Variants in APPBP2 observed in about 807,000 individuals in gnomAD.
APPBP2 encodes amyloid beta precursor protein binding protein 2.
A neutral mutation model predicts 76.0 loss-of-function variants in APPBP2; 15 were observed. That is an observed-to-expected ratio of 0.20 (90% confidence interval 0.13 to 0.30). The LOEUF is 0.30. APPBP2 is among the 10% of genes least tolerant of loss of function. The pLI is 1.00. For synonymous variants in APPBP2, 222 were observed against 242.2 expected, an observed-to-expected ratio of 0.92 and a Z score of 0.77; for missense variants, 401 against 687.2, an observed-to-expected ratio of 0.58 and a Z score of 4.66.
intron 8 of APPBP2, 131 bp from the exon 9 acceptor site, chr17:60,460,918 G>A: frequency 1.1e-6 from 1 of 871,198 alleles, no homozygotes; most frequent in South Asian, 3.3e-5. Context: ...AAGTCCTGCT[G>A]TATTTAAATT....
At chr17:60,462,093 A>T (rs2090479718) in intron 6 of APPBP2, 32 bp from the exon 7 acceptor site, 1 of 1,544,614 alleles carries the variant, frequency 6.5e-7, no homozygotes, top group East Asian at 2.3e-5. Context: ...GTTAACTCTC[A>T]AACAGTTCAT....
At chr17:60,519,954 T>G (rs1030575545) in intron 1 of APPBP2, among the ~76,000 whole-genome samples, 3 of 151,804 alleles carry the variant, frequency 2.0e-5, no homozygotes, top group African/African-American at 7.3e-5. Flanking sequence ...TGGCTAATTT[T>G]TTTCTTTGTT....
chr17:60,477,451 T>C (rs954658008), intron 4 of APPBP2: 4 of 152,144 alleles, frequency 2.6e-5, no homozygotes, highest in African/African-American at 4.8e-5. Flanking sequence ...TTTATGTACA[T>C]AGCAATATAT....
intron 1 of APPBP2, among the ~76,000 whole-genome samples, chr17:60,508,372 C>A (rs943664501): frequency 6.6e-6 from 1 of 151,984 alleles, no homozygotes; most frequent in African/African-American, 2.4e-5. Context: ...TTTTCGGACA[C>A]AGAAAGGCTG....
intron 1 of APPBP2, 130 bp from the exon 2 acceptor site, chr17:60,500,617 A>G: frequency 1.5e-6 from 1 of 683,452 alleles, no homozygotes; most frequent in Non-Finnish European, 2.5e-6. Flanking sequence ...TAACACTAAC[A>G]AATTTCTACA....
At chr17:60,482,443 G>A (rs981287266) in intron 3 of APPBP2, among the ~76,000 whole-genome samples, 1 of 151,890 alleles carries the variant, frequency 6.6e-6, no homozygotes, top group Non-Finnish European at 1.5e-5. Context: ...TTATTTTTTA[G>A]GATTAAAAAT....
chr17:60,467,683 G>A (rs183833707), intron 4 of APPBP2, among the ~76,000 whole-genome samples: 19 of 152,318 alleles, frequency 1.2e-4, no homozygotes, highest in Admixed American at 1.2e-3. Flanking sequence ...AAAAGATTCT[G>A]AAAGGAGGTA....
intron 5 of APPBP2, 55 bp downstream of exon 5, chr17:60,466,236 C>T (rs559046470): frequency 2.3e-5 from 35 of 1,493,294 alleles, no homozygotes; most frequent in Admixed American, 1.1e-4. Context: ...TTGATTTACC[C>T]TCTGTTTTTA....
Position 60,460,758 on chromosome 17 carries a change from A to G in APPBP2, c.966T>C (p.Phe322=). The G allele has an allele frequency of 1.2e-6, 2 of 1,613,820 alleles. No individual in the cohort carries two copies. The highest frequency in any genetic ancestry group is 1.7e-6 in the Non-Finnish European group (2 of 1,179,814). Reference sequence around the variant, plus strand: ...TTGCTACGTGGATATTTTTGCCACCAAACACTGACTGTCTAATGTCAAGGG... The same window carrying G: ...TTGCTACGTGGATATTTTTGCCACCGAACACTGACTGTCTAATGTCAAGGG... ...QAALDIRQSV[F]GGKNIHVATA... is the part of the protein sequence containing the mutation. The change falls in exon 9 of 13, where the codon TTT becomes TTC. Residue 322 remains phenylalanine (F), a synonymous_variant. Coordinates refer to ENST00000083182, the MANE Select transcript of APPBP2 (RefSeq NM_006380.5).
chr17:60,492,111 AG>A (rs1156579151), intron 3 of APPBP2, among the ~76,000 whole-genome samples: 1 of 152,192 alleles, frequency 6.6e-6, no homozygotes, highest in Non-Finnish European at 1.5e-5. Context: ...ATAGCTTCCA[AG>A]GGGGCAAGTC....
At chr17:60,512,751 T>A (rs1478455261) in intron 1 of APPBP2, among the ~76,000 whole-genome samples, 1 of 142,754 alleles carries the variant, frequency 7.0e-6, no homozygotes, top group Non-Finnish European at 1.5e-5. Flanking sequence ...AGGAAAATAA[T>A]TTGAACTCAG....
chr17:60,521,835 A>C (rs2091012298), intron 1 of APPBP2, among the ~76,000 whole-genome samples: 1 of 152,150 alleles, frequency 6.6e-6, no homozygotes, highest in Non-Finnish European at 1.5e-5. Flanking sequence ...GTGGCCCAAG[A>C]CAATTTATCT....
intron 2 of APPBP2, among the ~76,000 whole-genome samples, chr17:60,497,942 C>G (rs1341771890): frequency 6.6e-6 from 1 of 151,982 alleles, no homozygotes; most frequent in African/African-American, 2.4e-5. Context: ...AGTTTGAGAC[C>G]AGCATGGGCA....
chr17:60,477,851 A>G (rs953970255), intron 4 of APPBP2, among the ~76,000 whole-genome samples: 3 of 151,974 alleles, frequency 2.0e-5, no homozygotes, highest in Middle Eastern at 3.4e-3. Context: ...TTAAAGCAAC[A>G]ATAATCTGGC....
rs749581395 is a variant in APPBP2, at chr17:60,446,017, G to A, written c.*1564C>T. Reference sequence around the variant, plus strand: ...TCTACAACTTTTCTGTACTCAATGTGGCAGACAGCTTAGATTTTTTTCCCC... The same window carrying A: ...TCTACAACTTTTCTGTACTCAATGTAGCAGACAGCTTAGATTTTTTTCCCC... On this transcript the variant is annotated 3_prime_UTR_variant, in exon 13 of 13. Transcript: ENST00000083182. 5 of 152,126 alleles carry A rather than the reference G, an allele frequency of 3.3e-5. No individual in the cohort carries two copies. The highest frequency in any genetic ancestry group is 5.9e-5 in the Non-Finnish European group (4 of 68,036). 9.4% of individuals were successfully genotyped at this position (152,126 alleles called of 1,614,324 possible).
intron 1 of APPBP2, among the ~76,000 whole-genome samples, chr17:60,525,510 G>A (rs1263039682): frequency 1.3e-5 from 2 of 152,204 alleles, no homozygotes; most frequent in Non-Finnish European, 2.9e-5. Context: ...GCGCGATAGA[G>A]TAAGTCCACG....
chr17:60,444,515 A>G lies in APPBP2; in HGVS notation c.*3066T>C, dbSNP rs1291408117. 4 of 152,002 alleles carry G rather than the reference A, an allele frequency of 2.6e-5. No individual in the cohort carries two copies. The highest frequency in any genetic ancestry group is 5.9e-5 in the Non-Finnish European group (4 of 68,012). The allele number at this position is 152,002 out of a possible 1,614,324, so 9.4% of individuals were successfully genotyped here. On this transcript the variant is annotated 3_prime_UTR_variant, in exon 13 of 13. Transcript: ENST00000083182. ...TTCATAAAATTATAAACTTTTCCCA[A>G]CAGGCTAGGAACAAAGGTCTTTCTC...
rs1471112055 is a variant in APPBP2 at position 60,443,279 on chromosome 17, AC to A, written c.*4301del. On this transcript the variant is annotated 3_prime_UTR_variant, in exon 13 of 13. Coordinates refer to ENST00000083182, the MANE Select transcript of APPBP2 (RefSeq NM_006380.5). ...TTAATAGTTACAAATAACGGTGGGCACTACAAGTTGGTGAGAATGATATGAA... is the reference window on the plus strand; with the variant it reads ...TTAATAGTTACAAATAACGGTGGGCATACAAGTTGGTGAGAATGATATGAA... 6.5e-6 allele frequency: 1 copy of A among 152,684 alleles called. No homozygotes were observed. Among genetic ancestry groups the A allele is most frequent in the African/African-American group, 2.4e-5 (1 of 41,462 alleles). The allele number at this position is 152,684 out of a possible 1,614,324, so 9.5% of individuals were successfully genotyped here.
chr17:60,483,615 G>T (rs1019909460), intron 3 of APPBP2, among the ~76,000 whole-genome samples: 1 of 151,944 alleles, frequency 6.6e-6, no homozygotes, highest in Non-Finnish European at 1.5e-5. Flanking sequence ...GGATGGTCTC[G>T]ATCTCCCGAC....
Sources: allele counts gnomAD v4.1 joint callset (sites outside exome capture counted in the v4.1 genomes callset), GRCh38; gene constraint gnomAD v4.1.1; transcripts MANE v1.5; gene names NCBI Gene and HGNC (gene_info 2026-07-23, HGNC 2026-07-21).